Variants in ANO3 observed in about 807,000 individuals in gnomAD.
ANO3 encodes the protein anoctamin-3.
In ANO3, 99 loss-of-function variants were observed where a neutral mutation model predicts 144.8. The observed-to-expected ratio is 0.68, with a 90% confidence interval of 0.58 to 0.81. ANO3 has a LOEUF of 0.81. Ranked by LOEUF, ANO3 falls within the 30% of genes least tolerant of loss-of-function variation. The pLI is 0.00. For missense variants in ANO3, 905 were observed against 1,202.2 expected (o/e 0.75, Z 3.66); for synonymous variants, 414 against 392.6 (o/e 1.05, Z -0.64).
At chr11:26,466,027 G>T (rs542380057) in intron 4 of ANO3, among the ~76,000 whole-genome samples, 1 of 151,910 alleles carries the variant, frequency 6.6e-6, no homozygotes, top group East Asian at 1.9e-4. Context: ...CAGATCAAAA[G>T]GATCTATAAT....
intron 5 of ANO3, among the ~76,000 whole-genome samples, chr11:26,509,014 A>C (rs1168138535): frequency 6.6e-6 from 1 of 151,424 alleles, no homozygotes; most frequent in East Asian, 1.9e-4. Flanking sequence ...TAAATTTTCT[A>C]TATATATACA....
chr11:26,288,948 C>T (rs541931209), intron 1 of ANO3, among the ~76,000 whole-genome samples: 3 of 152,114 alleles, frequency 2.0e-5, no homozygotes, highest in Admixed American at 1.3e-4. Context: ...TGGTAGATTT[C>T]AGTCGTTTAA....
chr11:26,587,606 G>T (rs1315964647), intron 14 of ANO3, among the ~76,000 whole-genome samples: 4 of 152,142 alleles, frequency 2.6e-5, no homozygotes, highest in African/African-American at 9.7e-5. Flanking sequence ...CCATCTTCCT[G>T]CTTTCTTTTC....
At chr11:26,297,848 G>A (rs934846977) in intron 1 of ANO3, among the ~76,000 whole-genome samples, 8 of 152,158 alleles carry the variant, frequency 5.3e-5, no homozygotes, top group African/African-American at 1.7e-4. Context: ...AAAGGAGGCT[G>A]AGGAAGTTAA....
At chr11:26,348,186 C>T (rs1855543890) in intron 1 of ANO3, among the ~76,000 whole-genome samples, 1 of 152,148 alleles carries the variant, frequency 6.6e-6, no homozygotes, top group Non-Finnish European at 1.5e-5. Context: ...GAAATTATCA[C>T]CACTTAAATA....
At chr11:26,236,231 A>G (rs1395573212) in intron 1 of ANO3, among the ~76,000 whole-genome samples, 1 of 152,276 alleles carries the variant, frequency 6.6e-6, no homozygotes, top group Non-Finnish European at 1.5e-5. Flanking sequence ...ATACATGTAC[A>G]CTTTACTATT....
At chr11:26,566,292 C>T (rs889277707) in intron 14 of ANO3, among the ~76,000 whole-genome samples, 8 of 151,932 alleles carry the variant, frequency 5.3e-5, no homozygotes, top group African/African-American at 1.7e-4. Flanking sequence ...CCATGTAGAG[C>T]TGGCTGATTT....
At position 26,297,184 on chromosome 11, in the gene ANO3, C is replaced by CGTGTGTGTGTGTGTGT. The variant is rs377447870; in HGVS notation, c.155-12449_155-12434dup. ...ACATCCCAAGCTGCATCAACCATTG[C>CGTGTGTGTGTGTGTGT]GTGTGTGTGTGTGTGTGTGTGTGTG... On this transcript the variant is annotated intron_variant, in intron 1 of 27. Transcript: ENST00000672621. 6.4e-3 allele frequency among the ~76,000 whole-genome samples: 939 copies of CGTGTGTGTGTGTGTGT among 146,406 alleles called. 2 individuals are homozygous for CGTGTGTGTGTGTGTGT. The highest frequency in any genetic ancestry group is 8.6e-3 in the Non-Finnish European group (569 of 65,962).
intron 14 of ANO3, among the ~76,000 whole-genome samples, chr11:26,583,655 T>C (rs1851194421): frequency 6.6e-6 from 1 of 152,244 alleles, no homozygotes; most frequent in African/African-American, 2.4e-5. Context: ...CAATGTCCCA[T>C]ATTCATGGCA....
intron 14 of ANO3, among the ~76,000 whole-genome samples, chr11:26,597,473 G>A (rs1195167335): frequency 1.3e-5 from 2 of 152,150 alleles, no homozygotes; most frequent in Non-Finnish European, 2.9e-5. Context: ...GCTGAATCAG[G>A]AGCACAGTGG....
At chr11:26,560,068 T>C in intron 14 of ANO3, 1 of 298,870 alleles carries the variant, frequency 3.3e-6, no homozygotes, top group Non-Finnish European at 6.2e-6. Context: ...TGAAACATAC[T>C]AGAATCCAAA....
chr11:26,296,844 C>T (rs555934152), intron 1 of ANO3, among the ~76,000 whole-genome samples: 2 of 152,176 alleles, frequency 1.3e-5, no homozygotes, highest in South Asian at 2.1e-4. Context: ...TTCCAAGCCA[C>T]GTAAATGTGA....
At chr11:26,369,074 A>T (rs1426005113) in intron 1 of ANO3, among the ~76,000 whole-genome samples, 1 of 152,138 alleles carries the variant, frequency 6.6e-6, no homozygotes, top group Non-Finnish European at 1.5e-5. Context: ...TTCATTTTTT[A>T]AAATTATAAG....
intron 17 of ANO3, 65 bp from the exon 18 acceptor site, chr11:26,624,397 G>T: frequency 8.8e-7 from 1 of 1,133,708 alleles, no homozygotes; most frequent in Non-Finnish European, 1.3e-6. Flanking sequence ...TCTTCAAATA[G>T]TGTAAATACC....
At chr11:26,530,114 G>A (rs1028382998) in intron 7 of ANO3, among the ~76,000 whole-genome samples, 16 of 152,130 alleles carry the variant, frequency 1.1e-4, no homozygotes, top group African/African-American at 3.9e-4. Flanking sequence ...TAAAAGTCCT[G>A]CAAAGGCTTT....
At chr11:26,193,438 C>A (rs1432515601) in intron 1 of ANO3, among the ~76,000 whole-genome samples, 2 of 152,250 alleles carry the variant, frequency 1.3e-5, no homozygotes. Context: ...CCACACCTGG[C>A]CCAATTTTGC....
At chr11:26,617,973 AG>A (rs1189759838) in intron 17 of ANO3, among the ~76,000 whole-genome samples, 16 of 152,194 alleles carry the variant, frequency 1.1e-4, no homozygotes, top group African/African-American at 3.9e-4. Context: ...TACCATCAAA[AG>A]TATTTATTTA....
At chr11:26,199,584 A>T (rs1041835008) in intron 1 of ANO3, among the ~76,000 whole-genome samples, 1 of 152,184 alleles carries the variant, frequency 6.6e-6, no homozygotes, top group Non-Finnish European at 1.5e-5. Flanking sequence ...TGGGCCAAAG[A>T]TTCTTTTACA....
intron 1 of ANO3, among the ~76,000 whole-genome samples, chr11:26,380,464 A>G (rs541742072): frequency 2.0e-5 from 3 of 152,184 alleles, no homozygotes; most frequent in South Asian, 4.1e-4. Flanking sequence ...TGGGAAGTCC[A>G]AGATCAAGGC....
Sources: allele counts gnomAD v4.1 joint callset (sites outside exome capture counted in the v4.1 genomes callset), GRCh38; gene constraint gnomAD v4.1.1; transcripts MANE v1.5; gene names NCBI Gene and HGNC (gene_info 2026-07-23, HGNC 2026-07-21).